ZSCAN5A: variants seen among roughly 807,000 people sequenced by gnomAD.
The protein encoded by ZSCAN5A is zinc finger and SCAN domain containing 5A, also known as zinc finger and SCAN domain-containing protein 5A.
ZSCAN5A carries 12 observed loss-of-function variants against 23.7 expected under a neutral mutation model. The observed-to-expected ratio is 0.51, with a 90% CI of 0.32 to 0.82. The LOEUF (loss-of-function observed/expected upper bound fraction) is 0.82, where lower values mean the gene tolerates loss of function less well. Ranked by LOEUF, ZSCAN5A falls within the 40% of genes least tolerant of loss-of-function variation. ZSCAN5A has a pLI of 0.03. For missense variants in ZSCAN5A, 597 were observed against 617.9 expected (o/e 0.97, Z 0.36); for synonymous variants, 257 against 239.9 (o/e 1.07, Z -0.66).
chr19:56,330,390 T>A (rs932073469), intron 2 of ZSCAN5A, among the ~76,000 whole-genome samples: 2 of 152,222 alleles, frequency 1.3e-5, no homozygotes, highest in Non-Finnish European at 2.9e-5. Flanking sequence ...CTGTTTTAAG[T>A]TCTTTGAAAA....
In ZSCAN5A at chr19:56,352,328, T is replaced by G. The variant is rs2041672703; in HGVS notation, c.-358+10907A>C. On this transcript the variant is annotated intron_variant, in intron 2 of 6. Coordinates refer to the ZSCAN5A transcript ENST00000587340. This position sits in a 1 kb window ranked among gnomAD's most constrained non-coding sequence, Gnocchi z 4.2. ...CAATTAAACATAATGCAAATGAATG[T>G]GATTACTGGGGCACTGTAGAGACAG... 6.6e-6 allele frequency among the ~76,000 whole-genome samples: 1 copy of G among 152,188 alleles called. No homozygotes were observed. Among genetic ancestry groups the G allele is most frequent in the Non-Finnish European group, 1.5e-5 (1 of 68,032 alleles).
intron 2 of ZSCAN5A, chr19:56,321,810 AC>A: frequency 1.8e-6 from 2 of 1,121,994 alleles, no homozygotes; most frequent in Non-Finnish European, 2.7e-6. Context: ...GGTAACTGCC[AC>A]CACTTGTAAA....
At chr19:56,251,148 T>TAA (rs34825803) in intron 2 of ZSCAN5A, among the ~76,000 whole-genome samples, 36,834 of 130,632 alleles carry the variant, frequency 0.28, 5,364 homozygotes, top group Non-Finnish European at 0.34. Flanking sequence ...AGACTCCGTG[T>TAA]AAAAAAAAAA....
chr19:56,314,528 A>G (rs2041244607), intron 1 of ZSCAN5A, 153 bp downstream of exon 1: 1 of 152,290 alleles, frequency 6.6e-6, no homozygotes, highest in African/African-American at 2.4e-5. Flanking sequence ...AAACTCCTCC[A>G]GTCCCATCCC....
upstream of ZSCAN5A, chr19:56,315,890 G>A (rs1300994459): frequency 1.3e-5 from 2 of 152,176 alleles, no homozygotes; most frequent in Non-Finnish European, 2.9e-5. Flanking sequence ...AAATGTCAGC[G>A]GCTTTGATGA....
intron 1 of ZSCAN5A, 123 bp downstream of exon 1, chr19:56,314,557 GA>G (rs1165941836): frequency 6.6e-6 from 1 of 152,246 alleles, no homozygotes; most frequent in Non-Finnish European, 1.5e-5. Context: ...GTCCTCCCAC[GA>G]ATCTCCCCCT....
rs529159708 is a variant in ZSCAN5A at position 56,282,471 on chromosome 19, T to G, written c.-128+30812A>C. 9.1e-6 allele frequency: 9 copies of G among 985,334 alleles called. No individual in the cohort carries two copies. The South Asian group carries it at 3.3e-4, about 36-fold the overall frequency. The allele number at this position is 985,334 out of a possible 1,614,324, so 61.0% of individuals were successfully genotyped here. ...TGGCTACCATCGGTCCTGTCCTTCCTGCTGCTTGTCTGCCAACAGTGCTGA... is the reference window on the plus strand; with the variant it reads ...TGGCTACCATCGGTCCTGTCCTTCCGGCTGCTTGTCTGCCAACAGTGCTGA... On this transcript the variant is annotated intron_variant, in intron 2 of 5. Coordinates refer to ENST00000683990, the MANE Select transcript of ZSCAN5A (RefSeq NM_001322064.3).
At chr19:56,233,603 T>C (rs1275048117) in intron 2 of ZSCAN5A, among the ~76,000 whole-genome samples, 1 of 135,628 alleles carries the variant, frequency 7.4e-6, no homozygotes, top group Non-Finnish European at 1.6e-5. Context: ...TACTTTTCTA[T>C]GAAATCACCT....
chr19:56,316,713 GTTCA>G (rs1451707589), upstream of ZSCAN5A: 1 of 152,186 alleles, frequency 6.6e-6, no homozygotes, highest in Non-Finnish European at 1.5e-5. Flanking sequence ...TTTTCAAATA[GTTCA>G]TTCAATCTTT....
intron 2 of ZSCAN5A, among the ~76,000 whole-genome samples, chr19:56,249,636 T>C (rs940607050): frequency 6.6e-6 from 1 of 152,226 alleles, no homozygotes; most frequent in African/African-American, 2.4e-5. Flanking sequence ...CTGCACCATT[T>C]CCCCCACTGT....
rs528147448 is a variant in ZSCAN5A, at chr19:56,335,325, T to G, written c.-357-19057A>C. Among the ~76,000 whole-genome samples the G allele has an allele frequency of 3.3e-5, 5 of 152,070 alleles. No homozygotes were observed. The East Asian group carries it at 9.7e-4, about 29-fold the overall frequency. ...GTAAAGAGAACAAATCTATGTCTGGTGTACCCAAAAGAGATGGGGATAATG... is the reference window on the plus strand; with the variant it reads ...GTAAAGAGAACAAATCTATGTCTGGGGTACCCAAAAGAGATGGGGATAATG... On this transcript the variant is annotated intron_variant, in intron 2 of 6. Transcript: ENST00000587340.
chr19:56,254,492 TTATC>T (rs1172969701), intron 2 of ZSCAN5A, among the ~76,000 whole-genome samples: 1 of 152,242 alleles, frequency 6.6e-6, no homozygotes, highest in Non-Finnish European at 1.5e-5. Flanking sequence ...CATATTTTGT[TTATC>T]TATTCCTTCA....
intron 2 of ZSCAN5A, among the ~76,000 whole-genome samples, chr19:56,233,205 AC>A (rs1244671453): frequency 9.9e-5 from 15 of 152,124 alleles, no homozygotes. Context: ...TCAAGTTTTT[AC>A]ATTTCACATG....
At chr19:56,302,108 C>G in intron 2 of ZSCAN5A, 1 of 1,231,372 alleles carries the variant, frequency 8.1e-7, no homozygotes, top group Non-Finnish European at 1.0e-6. Flanking sequence ...AAGAAGAAGG[C>G]AGCACGGAGG....
chr19:56,290,804 C>T (rs2039460790), intron 2 of ZSCAN5A, among the ~76,000 whole-genome samples: 1 of 152,246 alleles, frequency 6.6e-6, no homozygotes, highest in Admixed American at 6.5e-5. Flanking sequence ...CTTCTCCACA[C>T]TGACTCCCCG....
intron 2 of ZSCAN5A, among the ~76,000 whole-genome samples, chr19:56,343,924 C>A (rs2041613114): frequency 6.6e-6 from 1 of 152,124 alleles, no homozygotes; most frequent in South Asian, 2.1e-4. Context: ...AATAAAATAT[C>A]TATTATTTAA....
intron 2 of ZSCAN5A, among the ~76,000 whole-genome samples, chr19:56,327,336 C>T (rs1286681691): frequency 6.6e-6 from 1 of 151,840 alleles, no homozygotes; most frequent in Non-Finnish European, 1.5e-5. Context: ...AGGCTGGTCT[C>T]GAACTCCTGG....
intron 1 of ZSCAN5A, 120 bp downstream of exon 1, chr19:56,314,561 C>G (rs2041249271): frequency 2.0e-5 from 3 of 152,424 alleles, no homozygotes; most frequent in African/African-American, 7.2e-5. Flanking sequence ...TCCCACGAAT[C>G]TCCCCCTCCT....
At chr19:56,338,857 T>G (rs938102135) in intron 2 of ZSCAN5A, among the ~76,000 whole-genome samples, 8 of 152,198 alleles carry the variant, frequency 5.3e-5, no homozygotes, top group African/African-American at 1.9e-4. Context: ...AGTGAAAGTT[T>G]TGGCTGAAGC....
Sources: gnomAD v4.1 joint callset for allele counts (sites outside exome capture counted in the v4.1 genomes callset) on GRCh38, gnomAD v4.1.1 for gene constraint, Gnocchi (gnomAD v3.1) non-coding constraint, MANE v1.5 for transcripts, NCBI Gene and HGNC (gene_info 2026-07-23, HGNC 2026-07-21) for gene names.